NDFIP2: variants seen among roughly 807,000 people sequenced by gnomAD.
NDFIP2 encodes NEDD4 family-interacting protein 2.
NDFIP2 carries 19 observed loss-of-function variants against 36.0 expected under a neutral mutation model. That is an observed-to-expected ratio of 0.53 (90% CI 0.37 to 0.77). NDFIP2 has a LOEUF of 0.77. Ranked by LOEUF, NDFIP2 falls within the 30% of genes least tolerant of loss-of-function variation. NDFIP2 has a pLI of 0.00. For synonymous variants in NDFIP2, 181 were observed against 167.7 expected (o/e 1.08, Z -0.61); for missense variants, 446 against 435.8 (o/e 1.02, Z -0.21).
intron 1 of NDFIP2, among the ~76,000 whole-genome samples, chr13:79,484,175 C>G (rs1216650209): frequency 6.6e-5 from 10 of 151,874 alleles, no homozygotes; most frequent in Non-Finnish European, 1.2e-4. Context: ...TGCACCACAC[C>G]TGGCTAATTT....
intron 3 of NDFIP2, among the ~76,000 whole-genome samples, chr13:79,535,357 G>A (rs1311519427): frequency 6.6e-6 from 1 of 152,138 alleles, no homozygotes; most frequent in Non-Finnish European, 1.5e-5. Context: ...TGGTAAGTGT[G>A]CTTTGAGAAA....
At chr13:79,547,040 A>G (rs1875710724) in intron 5 of NDFIP2, among the ~76,000 whole-genome samples, 1 of 151,968 alleles carries the variant, frequency 6.6e-6, no homozygotes, top group Non-Finnish European at 1.5e-5. Context: ...TGAAATTACT[A>G]TAAATTTTAA....
At chr13:79,513,871 G>C (rs183909519) in intron 1 of NDFIP2, among the ~76,000 whole-genome samples, 1 of 152,238 alleles carries the variant, frequency 6.6e-6, no homozygotes, top group African/African-American at 2.4e-5. Context: ...ATTTTGAAGA[G>C]AGTATGTTTT....
intron 1 of NDFIP2, among the ~76,000 whole-genome samples, chr13:79,503,720 T>C: frequency 6.6e-6 from 1 of 152,162 alleles, no homozygotes. Flanking sequence ...GGTTTAGTTG[T>C]CTTGTATTAC....
intron 4 of NDFIP2, 77 bp from the exon 5 acceptor site, chr13:79,543,481 T>C: frequency 2.6e-6 from 4 of 1,544,962 alleles, no homozygotes; most frequent in Non-Finnish European, 3.5e-6. Flanking sequence ...CATTGAGCCA[T>C]GAAATATTAT....
chr13:79,552,340 A>G (rs1388796765), intron 7 of NDFIP2, among the ~76,000 whole-genome samples, 176 bp from the exon 8 acceptor site: 1 of 151,484 alleles, frequency 6.6e-6, no homozygotes, highest in African/African-American at 2.4e-5. Flanking sequence ...AATATTTTCT[A>G]GATGAAAATC....
chr13:79,517,564 T>C (rs192817461), intron 1 of NDFIP2, among the ~76,000 whole-genome samples: 2 of 152,344 alleles, frequency 1.3e-5, no homozygotes, highest in Non-Finnish European at 2.9e-5. Flanking sequence ...TAAAGTAAAT[T>C]GAAAGTTATA....
intron 4 of NDFIP2, among the ~76,000 whole-genome samples, chr13:79,540,736 A>G (rs1478674945): frequency 1.3e-5 from 2 of 152,192 alleles, no homozygotes; most frequent in Non-Finnish European, 2.9e-5. Flanking sequence ...CAAGTTTGAA[A>G]TGGTTTCTTG....
chr13:79,510,280 T>C (rs1874033751), intron 1 of NDFIP2, among the ~76,000 whole-genome samples: 1 of 152,124 alleles, frequency 6.6e-6, no homozygotes, highest in Non-Finnish European at 1.5e-5. Flanking sequence ...GCTTTTTCCA[T>C]CAGTGTATTA....
chr13:79,528,495 A>G (rs1270414499), intron 2 of NDFIP2, among the ~76,000 whole-genome samples: 1 of 152,190 alleles, frequency 6.6e-6, no homozygotes, highest in Non-Finnish European at 1.5e-5. Flanking sequence ...TACAGTGTTT[A>G]TAAAGTCTAC....
intron 2 of NDFIP2, among the ~76,000 whole-genome samples, chr13:79,525,453 A>C (rs915846277): frequency 6.6e-6 from 1 of 152,118 alleles, no homozygotes; most frequent in Admixed American, 6.6e-5. Flanking sequence ...AAGAACTTTC[A>C]CTTTTTCACT....
rs1296796085 is a variant in NDFIP2, at chr13:79,552,233, G to A, written c.*3-283G>A. ...AGACACTGGCATTAAGAATTTGTCAGTATTAATAATAAGATTAAAAGGCAA... is the reference window on the plus strand; with the variant it reads ...AGACACTGGCATTAAGAATTTGTCAATATTAATAATAAGATTAAAAGGCAA... On this transcript the variant is annotated intron_variant, in intron 7 of 7. Transcript: ENST00000218652. Among the ~76,000 whole-genome samples, 15 of 151,164 alleles carry A rather than the reference G, an allele frequency of 9.9e-5. 2 individuals are homozygous for A. Among genetic ancestry groups the A allele is most frequent in the Admixed American group, 9.9e-4 (15 of 15,152 alleles).
At position 79,555,661 on chromosome 13, in the gene NDFIP2, TG is replaced by T. The variant is rs1425651887; in HGVS notation, c.*3149del. The T allele has an allele frequency of 6.6e-6, 1 of 152,106 alleles. No individual in the cohort carries two copies. The highest frequency in any genetic ancestry group is 1.5e-5 in the Non-Finnish European group (1 of 67,986). The allele number at this position is 152,106 out of a possible 1,614,324, so 9.4% of individuals were successfully genotyped here. On this transcript the variant is annotated 3_prime_UTR_variant, in exon 8 of 8. Transcript: ENST00000218652. ...TTTTATATTTTTAACTGCTGTTAAA[TG>T]TTATTTTAGCATTTATTAGTTGTTT...
intron 1 of NDFIP2, among the ~76,000 whole-genome samples, chr13:79,503,087 T>G (rs1873728524): frequency 6.6e-6 from 1 of 152,096 alleles, no homozygotes. Context: ...ATGCTAAGTT[T>G]AGAGCTGCAG....
At chr13:79,546,403 TAGAC>T (rs1875683359) in intron 5 of NDFIP2, among the ~76,000 whole-genome samples, 2 of 152,286 alleles carry the variant, frequency 1.3e-5, no homozygotes, top group South Asian at 4.1e-4. Flanking sequence ...ATTTTGAAAG[TAGAC>T]AGGATGTAAA....
intron 1 of NDFIP2, among the ~76,000 whole-genome samples, chr13:79,481,808 T>A (rs2079815367): frequency 6.6e-6 from 1 of 152,128 alleles, no homozygotes; most frequent in Non-Finnish European, 1.5e-5. Flanking sequence ...CCTTACAACT[T>A]GTATCCGTTT....
intron 1 of NDFIP2, among the ~76,000 whole-genome samples, chr13:79,514,389 A>G (rs890845722): frequency 1.3e-5 from 2 of 152,198 alleles, no homozygotes; most frequent in African/African-American, 2.4e-5. Flanking sequence ...ATATTTTCAC[A>G]GTGTTCAGCA....
In NDFIP2 at chr13:79,517,089, C is replaced by T. The variant is rs529982688; in HGVS notation, c.322-3721C>T. Among the ~76,000 whole-genome samples the T allele has an allele frequency of 2.2e-3, 338 of 152,236 alleles. 1 individual carries two copies. The highest frequency in any genetic ancestry group is 3.6e-3 in the Admixed American group (55 of 15,296). ...AGCCACAAATGCTTTTAAGAGAGCT[C>T]TGTTGTCATTTTTTTTTCTTTAGAC... On this transcript the variant is annotated intron_variant, in intron 1 of 7. Coordinates refer to ENST00000218652, the MANE Select transcript of NDFIP2 (RefSeq NM_019080.3).
intron 1 of NDFIP2, among the ~76,000 whole-genome samples, chr13:79,488,227 A>G (rs1047372208): frequency 6.6e-5 from 10 of 152,208 alleles, no homozygotes; most frequent in African/African-American, 2.4e-4. Context: ...AATGTGTTAT[A>G]TACCAAGTTG....
Sources: allele counts gnomAD v4.1 joint callset (sites outside exome capture counted in the v4.1 genomes callset), GRCh38; gene constraint gnomAD v4.1.1; transcripts MANE v1.5; gene names NCBI Gene and HGNC (gene_info 2026-07-23, HGNC 2026-07-21).